NAV3: variants seen among roughly 807,000 people sequenced by gnomAD.
NAV3 encodes pore membrane and/or filament interacting like protein 1.
Under a neutral mutation model 244.7 loss-of-function variants are expected in NAV3, and 87 were observed. The observed-to-expected ratio is 0.36, with a 90% confidence interval of 0.30 to 0.42. NAV3 has a LOEUF of 0.42. Ranked by LOEUF, NAV3 falls within the 20% of genes least tolerant of loss-of-function variation. NAV3 has a pLI of 1.00. For synonymous variants in NAV3, 1,126 were observed against 1,042.2 expected (o/e 1.08, Z -1.55); for missense variants, 2,663 against 2,893.3 (o/e 0.92, Z 1.83).
chr12:77,717,906 C>T (rs763598003), intron 2 of NAV3, among the ~76,000 whole-genome samples: 3 of 152,098 alleles, frequency 2.0e-5, no homozygotes, highest in Admixed American at 6.6e-5. Flanking sequence ...ACCCTTTGCC[C>T]ATTTTTAAAT....
chr12:78,206,263 T>C (rs1960296180), intron 39 of NAV3, among the ~76,000 whole-genome samples: 1 of 152,210 alleles, frequency 6.6e-6, no homozygotes, highest in Non-Finnish European at 1.5e-5. Context: ...TTTTATAACA[T>C]GGTACCTGGC....
chr12:77,966,732 A>G (rs1306997933), intron 4 of NAV3, among the ~76,000 whole-genome samples: 1 of 152,104 alleles, frequency 6.6e-6, no homozygotes, highest in Non-Finnish European at 1.5e-5. Flanking sequence ...TAGTCAAAAT[A>G]GTTGGTAAGT....
At chr12:78,066,718 A>G (rs909863926) in intron 12 of NAV3, among the ~76,000 whole-genome samples, 2 of 152,116 alleles carry the variant, frequency 1.3e-5, no homozygotes, top group African/African-American at 4.8e-5. Flanking sequence ...GTATAAAAGC[A>G]TAATACATCA....
intron 12 of NAV3, among the ~76,000 whole-genome samples, chr12:78,071,694 C>T (rs1227284689): frequency 1.8e-4 from 27 of 152,108 alleles, no homozygotes; most frequent in African/African-American, 2.4e-5. Context: ...CTACATATGG[C>T]TAGCCAGTTT....
chr12:77,788,020 G>A (rs1870987673), intron 2 of NAV3, among the ~76,000 whole-genome samples: 1 of 152,138 alleles, frequency 6.6e-6, no homozygotes, highest in Non-Finnish European at 1.5e-5. Context: ...AAAAAATCCA[G>A]TCTCTGGTGC....
rs1958177558 is a variant in NAV3 at position 78,175,377 on chromosome 12, A to T, written c.5053A>T (p.Ile1685Phe). 3 of 1,611,730 alleles carry T rather than the reference A, an allele frequency of 1.9e-6. No homozygotes were observed. Among genetic ancestry groups the T allele is most frequent in the Non-Finnish European group, 2.5e-6 (3 of 1,178,424 alleles). ...CAACAGTGCCACAAGCCATTCCAGT[A>T]TTGGCAGTGGTAATGATGCCGACTC... Reference protein sequence around the residue: ...SINSATSHSSIGSGNDADSKK... With the variant: ...SINSATSHSSFGSGNDADSKK... The change falls in exon 25 of 40, where the codon ATT becomes TTT. Residue 1685 changes from isoleucine to phenylalanine, a missense_variant. This residue lies in a region of NAV3 where 193 missense variants were observed against 200.7 expected (regional missense o/e 0.96). Transcript: ENST00000397909.
rs185794747 is a variant in NAV3 at position 78,062,201 on chromosome 12, G to A, written c.2636+3086G>A. Among the ~76,000 whole-genome samples, 193 of 152,170 alleles carry A rather than the reference G, an allele frequency of 1.3e-3. 2 individuals are homozygous for A. The highest frequency in any genetic ancestry group is 3.7e-3 in the East Asian group (19 of 5,174). On this transcript the variant is annotated intron_variant, in intron 12 of 39. Transcript: ENST00000397909. ...TCCATCTTTTTATCACCAGTAGCTAGCATACTGTAGGAACTCAATAAATAT... is the reference window on the plus strand; with the variant it reads ...TCCATCTTTTTATCACCAGTAGCTAACATACTGTAGGAACTCAATAAATAT...
intron 12 of NAV3, among the ~76,000 whole-genome samples, chr12:78,072,091 C>A (rs1203067590): frequency 1.3e-5 from 2 of 151,838 alleles, no homozygotes; most frequent in Non-Finnish European, 2.9e-5. Flanking sequence ...CAGAAAAGAT[C>A]CAAAATTGAC....
chr12:78,177,373 C>A, intron 27 of NAV3, 60 bp downstream of exon 27: 1 of 1,544,736 alleles, frequency 6.5e-7, no homozygotes, highest in Non-Finnish European at 8.8e-7. Flanking sequence ...TAGATGAAGG[C>A]CTTATTTATG....
rs71088336 is a variant in NAV3, at chr12:77,766,738, T to TG, written c.73-173581_73-173580insG. On this transcript the variant is annotated intron_variant, in intron 2 of 8. Coordinates refer to the NAV3 transcript ENST00000550042. ...ATTCTAAAAAACAGGCAATTAAGTT[T>TG]TTTTTTTTTTTTTTTTTTTTTTTTT... 7.8e-3 allele frequency among the ~76,000 whole-genome samples: 152 copies of TG among 19,528 alleles called. 6 individuals carry two copies. The highest frequency in any genetic ancestry group is 0.015 in the East Asian group (10 of 660). The allele number at this position is 19,528 out of a possible 152,430, so 12.8% of individuals were successfully genotyped here. A position where few individuals can be genotyped will look rare whatever the true frequency, so the allele number is the denominator to read the frequency against.
chr12:78,176,506 C>T, intron 26 of NAV3, 47 bp downstream of exon 26: 2 of 1,600,386 alleles, frequency 1.2e-6, no homozygotes, highest in Non-Finnish European at 1.7e-6. Flanking sequence ...TAAAAAAACC[C>T]TACCTTGGCA....
At chr12:77,843,865 C>T (rs1014830895) in intron 1 of NAV3, among the ~76,000 whole-genome samples, 1 of 151,014 alleles carries the variant, frequency 6.6e-6, no homozygotes, top group East Asian at 1.9e-4. Context: ...GAATTAAAAA[C>T]ATACAAAATA....
rs770336478 is a variant in NAV3 at position 78,007,021 on chromosome 12, G to T, written c.1483G>T (p.Ala495Ser). The T allele has an allele frequency of 1.9e-6, 3 of 1,614,060 alleles. No individual in the cohort carries two copies. Among genetic ancestry groups the T allele is most frequent in the South Asian group, 2.2e-5 (2 of 91,086 alleles). ...KEEKDQVTEM[A>S]PKKTSKIASL... is the part of the protein sequence containing the mutation. Reference sequence around the variant, plus strand: ...AGAGAAGGATCAGGTGACAGAGATGGCTCCAAAAAAGACCTCCAAAATTGC... The same window carrying T: ...AGAGAAGGATCAGGTGACAGAGATGTCTCCAAAAAAGACCTCCAAAATTGC... The change falls in exon 8 of 40, where the codon GCT becomes TCT. Residue 495 changes from alanine to serine, a missense_variant. Around this residue, in one of 6 missense-constraint regions of NAV3, gnomAD observed 1,521 missense variants for 1,497.0 expected, o/e 1.02. Transcript: ENST00000397909.
intron 15 of NAV3, among the ~76,000 whole-genome samples, chr12:78,121,439 C>G (rs1786868782): frequency 6.6e-6 from 1 of 152,074 alleles, no homozygotes; most frequent in Non-Finnish European, 1.5e-5. Context: ...ACTCAGACCA[C>G]CAGATACTCA....
At chr12:77,786,719 C>T (rs1045236257) in intron 2 of NAV3, among the ~76,000 whole-genome samples, 9 of 152,072 alleles carry the variant, frequency 5.9e-5, no homozygotes, top group African/African-American at 1.4e-4. Flanking sequence ...AGTTTTAAAT[C>T]GCCCTCTTTT....
At position 78,190,142 on chromosome 12, in the gene NAV3, T is replaced by C; in HGVS notation, c.6214T>C (p.Tyr2072His). The C allele has an allele frequency of 6.2e-7, 1 of 1,613,060 alleles. No individual in the cohort carries two copies. Among genetic ancestry groups the C allele is most frequent in the Non-Finnish European group, 8.5e-7 (1 of 1,179,510 alleles). ...CTATTTGGCAAACAAACTTGCTGAA[T>C]ATGTAATAACCAAATCTGGAAGGAA... ...KTYLANKLAEYVITKSGRKKT... is the reference protein window; with the variant it reads ...KTYLANKLAEHVITKSGRKKT... The change falls in exon 34 of 40, where the codon TAT becomes CAT. Residue 2072 changes from tyrosine to histidine, a missense_variant. Coordinates refer to ENST00000397909, the MANE Select transcript of NAV3 (RefSeq NM_001024383.2).
intron 2 of NAV3, among the ~76,000 whole-genome samples, chr12:77,590,785 T>C (rs17043939): frequency 0.024 from 3,692 of 152,336 alleles, 157 homozygotes; most frequent in African/African-American, 0.084. Flanking sequence ...TTTATAGTTA[T>C]TAAGAAAGCA....
At chr12:77,955,863 C>A (rs984529272) in intron 3 of NAV3, among the ~76,000 whole-genome samples, 4 of 151,832 alleles carry the variant, frequency 2.6e-5, no homozygotes, top group Admixed American at 1.3e-4. Flanking sequence ...GGAGTAAAAC[C>A]CTGTCTCGAA....
rs59098517 is a variant in NAV3 at position 77,737,467 on chromosome 12, C to A, written c.72+165201C>A. On this transcript the variant is annotated intron_variant, in intron 2 of 8. Coordinates refer to the NAV3 transcript ENST00000550042. The stretch of plus-strand genomic sequence containing the variant: ...CTCCTAGGTGCTGCTTTACTTTTTT[C>A]TTCCAGGGGATATAGGCGTTGACAC... Among the ~76,000 whole-genome samples the A allele has an allele frequency of 4.0e-5, 6 of 151,896 alleles. No individual in the cohort carries two copies. In the South Asian group the frequency reaches 1.2e-3, roughly 32 times the overall value.
Sources: allele counts gnomAD v4.1 joint callset (sites outside exome capture counted in the v4.1 genomes callset), GRCh38; gene constraint gnomAD v4.1.1; regional missense constraint gnomAD v4.1.1; transcripts MANE v1.5; gene names NCBI Gene and HGNC (gene_info 2026-07-23, HGNC 2026-07-21).